The following ASRGL1 variants were observed in gnomAD, a reference collection of about 807,000 sequenced individuals.
ASRGL1 encodes isoaspartyl peptidase/L-asparaginase.
In ASRGL1, 16 loss-of-function variants were observed where a neutral mutation model predicts 22.4. That is an observed-to-expected ratio of 0.71 (90% confidence interval 0.48 to 1.08). The LOEUF (loss-of-function observed/expected upper bound fraction) is 1.08. Among genes scored for constraint, ASRGL1 ranks in the 50% least tolerant of loss-of-function variants. ASRGL1 has a pLI of 0.00. For synonymous variants in ASRGL1, 165 were observed against 159.3 expected, an observed-to-expected ratio of 1.04 and a Z score of -0.27; for missense variants, 412 against 410.1, an observed-to-expected ratio of 1.00 and a Z score of -0.04.
At position 62,351,295 on chromosome 11, in the gene ASRGL1, G is replaced by A. The variant is rs1946159543; in HGVS notation, c.191-5030G>A. Reference sequence around the variant, plus strand: ...TGGAAAATTCAAGAGGAGAAGGAAAGTCTATTATATTTACCAATTTTTTCT... The same window carrying A: ...TGGAAAATTCAAGAGGAGAAGGAAAATCTATTATATTTACCAATTTTTTCT... On this transcript the variant is annotated intron_variant, in intron 2 of 6. Transcript: ENST00000415229. Among the ~76,000 whole-genome samples the A allele has an allele frequency of 8.5e-5, 13 of 152,314 alleles. No individual in the cohort carries two copies. In the South Asian group the frequency reaches 2.5e-3, roughly 29 times the overall value.
At chr11:62,377,960 G>A (rs1946970195) in intron 4 of ASRGL1, among the ~76,000 whole-genome samples, 1 of 152,124 alleles carries the variant, frequency 6.6e-6, no homozygotes, top group African/African-American at 2.4e-5. Context: ...CTATTTATTT[G>A]TGCTGGTTGA....
chr11:62,339,924 T>C (rs946421831), intron 2 of ASRGL1, among the ~76,000 whole-genome samples: 1 of 152,192 alleles, frequency 6.6e-6, no homozygotes. Context: ...ACTCTTGTTC[T>C]GTCCCCTTTA....
chr11:62,384,010 GCA>G (rs1349861641), intron 4 of ASRGL1, among the ~76,000 whole-genome samples: 1 of 139,772 alleles, frequency 7.2e-6, no homozygotes, highest in Non-Finnish European at 1.6e-5. Flanking sequence ...CTGTGTGTGT[GCA>G]TGTGTGTGTG....
intron 2 of ASRGL1, among the ~76,000 whole-genome samples, chr11:62,344,178 G>A (rs556291398): frequency 5.9e-5 from 9 of 152,206 alleles, no homozygotes; most frequent in East Asian, 1.9e-4. Flanking sequence ...TTACAGGTGT[G>A]AGCCACTGCG....
rs903802196 is a variant in ASRGL1 at position 62,389,982 on chromosome 11, G to A, written c.610+731G>A. On this transcript the variant is annotated intron_variant, in intron 5 of 6. Coordinates refer to ENST00000415229, the MANE Select transcript of ASRGL1 (RefSeq NM_001083926.2). Reference sequence around the variant, plus strand: ...GTCTTTAGTAATAATCTACACTCTCGACAATTCTTGATACCCTTTTTCTGT... The same window carrying A: ...GTCTTTAGTAATAATCTACACTCTCAACAATTCTTGATACCCTTTTTCTGT... Among the ~76,000 whole-genome samples the A allele has an allele frequency of 2.6e-5, 4 of 152,112 alleles. 1 individual carries two copies. The highest frequency in any genetic ancestry group is 4.8e-5 in the African/African-American group (2 of 41,422).
chr11:62,380,442 G>C (rs994304518), intron 4 of ASRGL1, among the ~76,000 whole-genome samples: 1 of 152,162 alleles, frequency 6.6e-6, no homozygotes, highest in Admixed American at 6.5e-5. Flanking sequence ...CCCTAAGGCA[G>C]ATAGCTCTAA....
intron 4 of ASRGL1, among the ~76,000 whole-genome samples, chr11:62,380,006 T>TA: frequency 6.6e-6 from 1 of 152,264 alleles, no homozygotes; most frequent in Admixed American, 6.5e-5. Flanking sequence ...CTTGAATAGT[T>TA]ATATTTTGTT....
intron 4 of ASRGL1, among the ~76,000 whole-genome samples, chr11:62,383,601 T>TTAAAAAAAAA (rs1947127211): frequency 5.3e-5 from 1 of 18,720 alleles, no homozygotes; most frequent in Non-Finnish European, 8.8e-5. Context: ...AGACTCCTAC[T>TTAAAAAAAAA]CAAAAAAAAA....
intron 4 of ASRGL1, among the ~76,000 whole-genome samples, chr11:62,378,103 C>T (rs895745115): frequency 1.3e-5 from 2 of 152,050 alleles, no homozygotes; most frequent in African/African-American, 4.8e-5. Flanking sequence ...TAGAGTTGGC[C>T]GAATCCAATT....
chr11:62,337,926 G>T lies in ASRGL1; in HGVS notation c.-52G>T. 1 of 1,546,546 alleles carries T rather than the reference G, an allele frequency of 6.5e-7. No individual in the cohort carries two copies. The highest frequency in any genetic ancestry group is 8.7e-7 in the Non-Finnish European group (1 of 1,146,378). On this transcript the variant is annotated 5_prime_UTR_variant, in exon 2 of 7. Coordinates refer to ENST00000415229, the MANE Select transcript of ASRGL1 (RefSeq NM_001083926.2). ...GACCTTGTACCCGCGCGGCTTCCTT[G>T]GGCTGGCTTTGGACGACGCTTTCGC...
At chr11:62,368,418 A>G (rs1364602207) in intron 4 of ASRGL1, among the ~76,000 whole-genome samples, 1 of 152,180 alleles carries the variant, frequency 6.6e-6, no homozygotes, top group Non-Finnish European at 1.5e-5. Flanking sequence ...TCTGATGGAC[A>G]GATACACAGG....
At chr11:62,372,860 CATGTA>C (rs1946810291) in intron 4 of ASRGL1, 15 of 1,602,996 alleles carry the variant, frequency 9.4e-6, no homozygotes, top group Non-Finnish European at 1.3e-5. Context: ...ATGAATCTAC[CATGTA>C]CCCAAAAGCA....
intron 4 of ASRGL1, among the ~76,000 whole-genome samples, chr11:62,383,520 G>A (rs1947124235): frequency 7.0e-6 from 1 of 142,406 alleles, no homozygotes; most frequent in African/African-American, 2.7e-5. Context: ...GGAGAATGGC[G>A]TGAACCCAGG....
intron 2 of ASRGL1, among the ~76,000 whole-genome samples, chr11:62,354,474 A>T (rs929343575): frequency 6.6e-6 from 1 of 152,218 alleles, no homozygotes; most frequent in African/African-American, 2.4e-5. Context: ...ACTGATAATA[A>T]AAGAGAACAA....
chr11:62,346,650 C>G (rs1207879880), intron 2 of ASRGL1, among the ~76,000 whole-genome samples: 1 of 152,076 alleles, frequency 6.6e-6, no homozygotes, highest in African/African-American at 2.4e-5. Context: ...GATAAATGAT[C>G]CTAGTCTTGC....
intron 5 of ASRGL1, 113 bp from the exon 6 acceptor site, chr11:62,391,409 T>G: frequency 7.0e-7 from 1 of 1,419,224 alleles, no homozygotes; most frequent in Non-Finnish European, 9.4e-7. Flanking sequence ...AACCTGACCT[T>G]TGTCGGTACT....
downstream of ASRGL1, among the ~76,000 whole-genome samples, chr11:62,397,679 AAAAC>A (rs200179850): frequency 0.23 from 33,596 of 147,648 alleles, 4,235 homozygotes; most frequent in South Asian, 0.4. Flanking sequence ...AAAAAAAAAA[AAAAC>A]CACGGGAAAA....
chr11:62,356,930 T>G, intron 3 of ASRGL1, 57 bp from the exon 4 acceptor site: 2 of 1,539,790 alleles, frequency 1.3e-6, no homozygotes, highest in Non-Finnish European at 1.8e-6. Flanking sequence ...TTGGAACAGT[T>G]AAAAAGATTT....
intron 4 of ASRGL1, among the ~76,000 whole-genome samples, chr11:62,360,398 A>G (rs1030082691): frequency 6.7e-6 from 1 of 148,798 alleles, no homozygotes; most frequent in African/African-American, 2.5e-5. Context: ...TCATTTTTTT[A>G]TACTTTGGAT....
Sources: allele counts gnomAD v4.1 joint callset (sites outside exome capture counted in the v4.1 genomes callset), GRCh38; gene constraint gnomAD v4.1.1; transcripts MANE v1.5; gene names NCBI Gene and HGNC (gene_info 2026-07-23, HGNC 2026-07-21).